Variants in RBMS1 observed in about 807,000 individuals in gnomAD.
RBMS1 encodes RNA binding motif single stranded interacting protein 1.
A neutral mutation model predicts 62.3 loss-of-function variants in RBMS1; 17 were observed. The observed-to-expected ratio is 0.27, with a 90% confidence interval of 0.19 to 0.41. The LOEUF (loss-of-function observed/expected upper bound fraction) is 0.41. RBMS1 is among the 10% of genes least tolerant of loss of function. The pLI, the probability that RBMS1 is intolerant of heterozygous loss-of-function variation, is 1.00. For synonymous variants in RBMS1, 172 were observed against 170.0 expected (o/e 1.01, Z -0.09); for missense variants, 334 against 504.5 (o/e 0.66, Z 3.24).
chr2:160,484,288 G>A (rs1488334780), intron 1 of RBMS1, among the ~76,000 whole-genome samples: 1 of 151,854 alleles, frequency 6.6e-6, no homozygotes, highest in Non-Finnish European at 1.5e-5. Context: ...GAGGTCAGCA[G>A]ATCGAGACCA....
chr2:160,311,590 A>C (rs541842332), intron 4 of RBMS1, among the ~76,000 whole-genome samples: 1 of 152,154 alleles, frequency 6.6e-6, no homozygotes, highest in Admixed American at 6.6e-5. Flanking sequence ...GACAGTATAA[A>C]ATTACTTTCC....
At position 160,311,232 on chromosome 2, in the gene RBMS1, C is replaced by CTATATATCTATATA. The variant is rs1689866017; in HGVS notation, c.402+1923_402+1924insTATATAGATATATA. ...AAAATCTATCTATCTATCTATCTATCTATATATATATATATATATATATAT... is the reference window on the plus strand; with the variant it reads ...AAAATCTATCTATCTATCTATCTATCTATATATCTATATATATATATATATATATATATATATAT... On this transcript the variant is annotated intron_variant, in intron 4 of 13. Transcript: ENST00000348849. 2.9e-3 allele frequency among the ~76,000 whole-genome samples: 226 copies of CTATATATCTATATA among 79,236 alleles called. 3 individuals carry two copies. The highest frequency in any genetic ancestry group is 0.023 in the Middle Eastern group (3 of 132). 52.0% of individuals were successfully genotyped at this position (79,236 alleles called of 152,430 possible). A position where few individuals can be genotyped will look rare whatever the true frequency, so the allele number is the denominator to read the frequency against.
At chr2:160,485,399 ACTCACCCCTCTCTC>A (rs1198341209) in intron 1 of RBMS1, among the ~76,000 whole-genome samples, 18 of 151,560 alleles carry the variant, frequency 1.2e-4, no homozygotes, top group Non-Finnish European at 1.0e-4. Context: ...AACTCTGAAA[ACTCACCCCTCTCTC>A]CAAGAAACAT....
At chr2:160,423,076 G>A (rs1235935985) in intron 1 of RBMS1, among the ~76,000 whole-genome samples, 2 of 152,006 alleles carry the variant, frequency 1.3e-5, no homozygotes, top group Non-Finnish European at 2.9e-5. Flanking sequence ...TAGCTAGATA[G>A]CTTCTCTGTG....
chr2:160,324,328 T>C (rs1209443353), intron 2 of RBMS1, among the ~76,000 whole-genome samples: 1 of 152,224 alleles, frequency 6.6e-6, no homozygotes, highest in Non-Finnish European at 1.5e-5. Flanking sequence ...GTCCAGGTTA[T>C]AAGCCAAAGC....
intron 7 of RBMS1, among the ~76,000 whole-genome samples, chr2:160,286,511 G>A (rs959927852): frequency 1.3e-4 from 19 of 151,910 alleles, no homozygotes; most frequent in African/African-American, 4.1e-4. Context: ...GTAGAGACGG[G>A]GTTTCGCCAT....
chr2:160,299,718 C>G (rs1689116432), intron 6 of RBMS1, among the ~76,000 whole-genome samples: 1 of 152,118 alleles, frequency 6.6e-6, no homozygotes. Flanking sequence ...GACGGAGCTT[C>G]TAGCTGGTGA....
chr2:160,413,752 T>C (rs1696114048), intron 1 of RBMS1, among the ~76,000 whole-genome samples: 1 of 152,162 alleles, frequency 6.6e-6, no homozygotes, highest in Non-Finnish European at 1.5e-5. Flanking sequence ...ATTGAGTAAC[T>C]AACTATATTC....
At chr2:160,413,280 T>C (rs745437991) in intron 1 of RBMS1, among the ~76,000 whole-genome samples, 14 of 152,134 alleles carry the variant, frequency 9.2e-5, no homozygotes, top group Non-Finnish European at 1.6e-4. Flanking sequence ...AAAAAACCTA[T>C]TTACTTTTGA....
chr2:160,325,386 A>C (rs1690865698), intron 2 of RBMS1, among the ~76,000 whole-genome samples: 1 of 152,314 alleles, frequency 6.6e-6, no homozygotes, highest in Non-Finnish European at 1.5e-5. Flanking sequence ...CTGGCTTTAA[A>C]GCTTAAAAGG....
At chr2:160,407,549 G>GGCGGGTGCGGGC in intron 1 of RBMS1, 1 of 985,334 alleles carries the variant, frequency 1.0e-6, no homozygotes, top group East Asian at 1.1e-4. Context: ...GGGCGGCGGC[G>GGCGGGTGCGGGC]GCGGGTGCGG....
chr2:160,330,796 C>T (rs1691226388), intron 2 of RBMS1, among the ~76,000 whole-genome samples: 1 of 151,982 alleles, frequency 6.6e-6, no homozygotes, highest in African/African-American at 2.4e-5. Flanking sequence ...CTGTGTTCCC[C>T]CAAAAGATAT....
chr2:160,327,082 G>A (rs537881740), intron 2 of RBMS1, among the ~76,000 whole-genome samples: 2 of 152,334 alleles, frequency 1.3e-5, no homozygotes, highest in Admixed American at 6.5e-5. Context: ...TACAGCATGT[G>A]AGCTGATGAA....
At chr2:160,340,389 A>G (rs960139580) in intron 2 of RBMS1, among the ~76,000 whole-genome samples, 1 of 152,124 alleles carries the variant, frequency 6.6e-6, no homozygotes. Flanking sequence ...ATTTCTCAAA[A>G]CATTTTCCCA....
At chr2:160,362,081 A>T (rs1201184846) in intron 2 of RBMS1, among the ~76,000 whole-genome samples, 1 of 152,248 alleles carries the variant, frequency 6.6e-6, no homozygotes, top group Non-Finnish European at 1.5e-5. Flanking sequence ...CATAGCATTG[A>T]AGAGAGAAGG....
chr2:160,392,345 C>T (rs1293130487), intron 1 of RBMS1, among the ~76,000 whole-genome samples: 2 of 152,068 alleles, frequency 1.3e-5, no homozygotes, highest in Non-Finnish European at 2.9e-5. Context: ...ACAACCATGC[C>T]CATTTGTTTA....
chr2:160,484,443 C>G (rs941433107), intron 1 of RBMS1, among the ~76,000 whole-genome samples: 3 of 144,220 alleles, frequency 2.1e-5, no homozygotes, highest in African/African-American at 5.1e-5. Flanking sequence ...TGCAGTGAGC[C>G]GAGATCGCGC....
intron 2 of RBMS1, among the ~76,000 whole-genome samples, chr2:160,318,666 G>C (rs1047735332): frequency 6.6e-6 from 1 of 152,226 alleles, no homozygotes; most frequent in Non-Finnish European, 1.5e-5. Flanking sequence ...AAAGCTGCTT[G>C]CATTATTCTA....
At chr2:160,309,997 G>T (rs1018320641) in intron 4 of RBMS1, among the ~76,000 whole-genome samples, 13 of 152,114 alleles carry the variant, frequency 8.5e-5, no homozygotes, top group African/African-American at 3.1e-4. Context: ...TTAAATTACA[G>T]GCATCACACA....
Sources: gnomAD v4.1 joint callset for allele counts (sites outside exome capture counted in the v4.1 genomes callset) on GRCh38, gnomAD v4.1.1 for gene constraint, MANE v1.5 for transcripts, NCBI Gene and HGNC (gene_info 2026-07-23, HGNC 2026-07-21) for gene names.